The following TUBGCP3 variants were observed in gnomAD, a reference collection of about 807,000 sequenced individuals.
TUBGCP3 encodes gamma-tubulin complex component 3.
A neutral mutation model predicts 123.1 loss-of-function variants in TUBGCP3; 50 were observed. The ratio of observed to expected loss-of-function variants is 0.41; its 90% CI spans 0.32 to 0.51. TUBGCP3 has a LOEUF of 0.51. Among genes scored for constraint, TUBGCP3 ranks in the 20% least tolerant of loss-of-function variants. The probability of loss-of-function intolerance (pLI) is 0.36; values close to 1 mark genes in which losing one functional copy is unlikely to be tolerated. For missense variants in TUBGCP3, 882 were observed against 1,127.0 expected, an observed-to-expected ratio of 0.78 and a Z score of 3.11; for synonymous variants, 405 against 413.9, an observed-to-expected ratio of 0.98 and a Z score of 0.26.
chr13:112,524,254 T>C lies in TUBGCP3; in HGVS notation c.1556-1745A>G, dbSNP rs377552409. ...ACATGCTATGCAAATAGCTGTTAAA[T>C]TGTCTTGGTTTTTTGTGTATTTTTT... On this transcript the variant is annotated intron_variant, in intron 13 of 21. Coordinates refer to ENST00000261965, the MANE Select transcript of TUBGCP3 (RefSeq NM_006322.6). This position sits in a 1 kb window ranked among gnomAD's most constrained non-coding sequence, Gnocchi z 4.4. Among the ~76,000 whole-genome samples, 6 of 152,308 alleles carry C rather than the reference T, an allele frequency of 3.9e-5. No individual in the cohort carries two copies. Among genetic ancestry groups the C allele is most frequent in the African/African-American group, 4.8e-5 (2 of 41,562 alleles).
intron 17 of TUBGCP3, among the ~76,000 whole-genome samples, chr13:112,506,878 C>T (rs1264519242): frequency 2.0e-5 from 3 of 152,226 alleles, no homozygotes; most frequent in Non-Finnish European, 2.9e-5. Flanking sequence ...GTAACCACCA[C>T]TTGCACTCAA....
intron 11 of TUBGCP3, among the ~76,000 whole-genome samples, chr13:112,529,880 TC>T (rs1877437451): frequency 6.6e-6 from 1 of 152,170 alleles, no homozygotes; most frequent in African/African-American, 2.4e-5. Context: ...TTCCATAAAT[TC>T]CAAATATCTT....
Position 112,581,218 on chromosome 13 carries a change from A to T in TUBGCP3, c.76+6687T>A, listed in dbSNP as rs1380791014. ...CCCCCCATCTTTCTGTCCCTATTCTAGCTAAAGCAGACACAAGCGCACTGT... is the reference window on the plus strand; with the variant it reads ...CCCCCCATCTTTCTGTCCCTATTCTTGCTAAAGCAGACACAAGCGCACTGT... On this transcript the variant is annotated intron_variant, in intron 1 of 21. Coordinates refer to ENST00000261965, the MANE Select transcript of TUBGCP3 (RefSeq NM_006322.6). Among the ~76,000 whole-genome samples the T allele has an allele frequency of 2.0e-5, 3 of 152,112 alleles. No homozygotes were observed. In the East Asian group the frequency reaches 5.8e-4, roughly 29 times the overall value.
chr13:112,531,744 T>A (rs1877595526), intron 11 of TUBGCP3, among the ~76,000 whole-genome samples: 1 of 152,002 alleles, frequency 6.6e-6, no homozygotes, highest in South Asian at 2.1e-4. Flanking sequence ...GCAGCAAACA[T>A]CTCGTAGCAA....
At chr13:112,569,538 G>T (rs1267092623) in intron 1 of TUBGCP3, among the ~76,000 whole-genome samples, 1 of 152,076 alleles carries the variant, frequency 6.6e-6, no homozygotes, top group Non-Finnish European at 1.5e-5. Context: ...AAAAGAAAAG[G>T]AACAGAAAGG....
At chr13:112,497,969 T>G (rs1880632643) in intron 20 of TUBGCP3, among the ~76,000 whole-genome samples, 1 of 152,218 alleles carries the variant, frequency 6.6e-6, no homozygotes, top group African/African-American at 2.4e-5. Context: ...ACAGCCAAAC[T>G]TGCTTAATAA....
At chr13:112,578,148 G>C (rs1594229602) in intron 1 of TUBGCP3, among the ~76,000 whole-genome samples, 1 of 152,152 alleles carries the variant, frequency 6.6e-6, no homozygotes, top group Non-Finnish European at 1.5e-5. Context: ...TCTCAGCCCA[G>C]GGCATAAAAC....
chr13:112,546,104 T>C (rs1440082096), intron 10 of TUBGCP3: 1 of 421,384 alleles, frequency 2.4e-6, no homozygotes, highest in African/African-American at 1.9e-5. Context: ...TCTTTAGGAC[T>C]GCTGAGGAAT....
intron 1 of TUBGCP3, among the ~76,000 whole-genome samples, chr13:112,585,207 T>C (rs1195901399): frequency 6.6e-6 from 1 of 152,188 alleles, no homozygotes; most frequent in Non-Finnish European, 1.5e-5. Context: ...AATAAGGTAA[T>C]TAATCAAATA....
At chr13:112,499,525 T>C (rs778341381) in intron 19 of TUBGCP3, among the ~76,000 whole-genome samples, 1 of 151,674 alleles carries the variant, frequency 6.6e-6, no homozygotes, top group Non-Finnish European at 1.5e-5. Flanking sequence ...ATTTCAAAGC[T>C]AGATAGCAGG....
rs1879573927 is a variant in TUBGCP3, at chr13:112,485,191, A to C, written c.*802T>G. 6.6e-6 allele frequency: 1 copy of C among 152,640 alleles called. No individual in the cohort carries two copies. The highest frequency in any genetic ancestry group is 1.5e-5 in the Non-Finnish European group (1 of 68,040). 9.5% of individuals were successfully genotyped at this position (152,640 alleles called of 1,614,324 possible). A position where few individuals can be genotyped will look rare whatever the true frequency, so the allele number is the denominator to read the frequency against. On this transcript the variant is annotated 3_prime_UTR_variant, in exon 22 of 22. Coordinates refer to ENST00000261965, the MANE Select transcript of TUBGCP3 (RefSeq NM_006322.6). ...AGGAAAAAGGAAATCTTCATTATCC[A>C]TGTCGATTTCTTTCCAATGCTTATC...
At chr13:112,542,617 T>C (rs1319760305) in intron 11 of TUBGCP3, among the ~76,000 whole-genome samples, 1 of 152,152 alleles carries the variant, frequency 6.6e-6, no homozygotes, top group Admixed American at 6.5e-5. Context: ...CCTCTATAGA[T>C]GGCATGTATA....
At position 112,509,248 on chromosome 13, in the gene TUBGCP3, G is replaced by A. The variant is rs573888371; in HGVS notation, c.2087-4534C>T. On this transcript the variant is annotated intron_variant, in intron 17 of 21. Coordinates refer to ENST00000261965, the MANE Select transcript of TUBGCP3 (RefSeq NM_006322.6). ...ATTCCCATGCCACTTGGATTTTCCCGTATCGATTGACTGTAAGATCCTGTG... is the reference window on the plus strand; with the variant it reads ...ATTCCCATGCCACTTGGATTTTCCCATATCGATTGACTGTAAGATCCTGTG... Among the ~76,000 whole-genome samples the A allele has an allele frequency of 8.5e-5, 13 of 152,262 alleles. No homozygotes were observed. In the South Asian group the frequency reaches 1.9e-3, roughly 22 times the overall value.
chr13:112,489,909 A>G (rs1022593356), intron 20 of TUBGCP3: 2 of 569,616 alleles, frequency 3.5e-6, no homozygotes, highest in African/African-American at 3.7e-5. Flanking sequence ...TTTCATATGA[A>G]CACATTTGAG....
intron 16 of TUBGCP3, 102 bp downstream of exon 16, chr13:112,518,873 C>G: frequency 1.0e-6 from 1 of 962,294 alleles, no homozygotes; most frequent in African/African-American, 1.6e-5. Context: ...GTCGAGTGAT[C>G]ACTTGAATTA....
the TUBGCP3 span, among the ~76,000 whole-genome samples, chr13:112,594,060 A>G: frequency 2.0e-5 from 3 of 152,232 alleles, no homozygotes; most frequent in Non-Finnish European, 4.4e-5. Context: ...CAAAGAAAAG[A>G]TCTGAGCCAA....
intron 9 of TUBGCP3, 148 bp downstream of exon 9, chr13:112,547,960 C>T: frequency 4.6e-6 from 4 of 861,496 alleles, no homozygotes; most frequent in South Asian, 2.8e-5. Flanking sequence ...TACACTGAAA[C>T]TTGATATTCA....
At chr13:112,560,247 G>A (rs1221816209) in intron 3 of TUBGCP3, among the ~76,000 whole-genome samples, 21 of 151,576 alleles carry the variant, frequency 1.4e-4, no homozygotes, top group Middle Eastern at 3.4e-3. Flanking sequence ...CGGCTAAAAC[G>A]GTGAAACCCC....
rs1250351944 is a variant in TUBGCP3 at position 112,519,024 on chromosome 13, C to T, written c.1901G>A (p.Gly634Glu). 6.2e-7 allele frequency: 1 copy of T among 1,613,956 alleles called. No homozygotes were observed. The highest frequency in any genetic ancestry group is 1.7e-5 in the Admixed American group (1 of 60,024). ...ATAATCGAGGCTGAAGACATCCCAT[C>T]CAGTGTCACCTGGAGAGACCTAACA... ...RLLEVSPGDT[G>E]WDVFSLDYHV... The change falls in exon 16 of 22, where the codon GGA (glycine) becomes GAA (glutamate). Residue 634 changes from glycine to glutamate, a missense_variant. Around this residue, in one of 3 missense-constraint regions of TUBGCP3, gnomAD observed 713 missense variants for 874.0 expected, o/e 0.82. Transcript: ENST00000261965. This position sits in a 1 kb window ranked among gnomAD's most constrained non-coding sequence, Gnocchi z 6.2.
Sources: allele counts gnomAD v4.1 joint callset (sites outside exome capture counted in the v4.1 genomes callset), GRCh38; gene constraint gnomAD v4.1.1; regional missense constraint gnomAD v4.1.1; non-coding constraint Gnocchi (gnomAD v3.1); transcripts MANE v1.5; gene names NCBI Gene and HGNC (gene_info 2026-07-23, HGNC 2026-07-21).